SRRM4: variants seen among roughly 807,000 people sequenced by gnomAD.
The protein encoded by SRRM4 is serine/arginine repetitive matrix 4, also known as serine/arginine repetitive matrix protein 4.
A neutral mutation model predicts 68.9 loss-of-function variants in SRRM4; 33 were observed. That is an observed-to-expected ratio of 0.48 (90% CI 0.36 to 0.64). The LOEUF is 0.64. Ranked by LOEUF, SRRM4 falls within the 30% of genes least tolerant of loss-of-function variation. SRRM4 has a pLI of 0.00. For synonymous variants in SRRM4, 318 were observed against 318.8 expected, an observed-to-expected ratio of 1.00 and a Z score of 0.03; for missense variants, 817 against 827.1, an observed-to-expected ratio of 0.99 and a Z score of 0.15.
At position 119,034,838 on chromosome 12, in the gene SRRM4, AT is replaced by A. The variant is rs565493706; in HGVS notation, c.131+52832del. Reference sequence around the variant, plus strand: ...TTTAGCCATACTTTTATTCCTAATCATTTTTTTGTCATATCCCTTAAAAATT... The same window carrying A: ...TTTAGCCATACTTTTATTCCTAATCATTTTTTGTCATATCCCTTAAAAATT... On this transcript the variant is annotated intron_variant, in intron 1 of 12. Coordinates refer to ENST00000267260, the MANE Select transcript of SRRM4 (RefSeq NM_194286.4). 2.5e-3 allele frequency among the ~76,000 whole-genome samples: 381 copies of A among 152,166 alleles called. 1 individual carries two copies. Among genetic ancestry groups the A allele is most frequent in the African/African-American group, 8.7e-3 (360 of 41,512 alleles).
chr12:119,102,362 G>T lies in SRRM4; in HGVS notation c.258G>T (p.Leu86=). 6.2e-7 allele frequency: 1 copy of T among 1,612,730 alleles called. No individual in the cohort carries two copies. The highest frequency in any genetic ancestry group is 8.5e-7 in the Non-Finnish European group (1 of 1,179,360). The change falls in exon 2 of 13, where the codon CTG becomes CTT. Residue 86 remains leucine (L), a synonymous_variant. Coordinates refer to ENST00000267260, the MANE Select transcript of SRRM4 (RefSeq NM_194286.4). ...AGAGAGACAAGACCTGTCGGGAACT[G>T]GGTGCCACCAGAGGACACAGGTGAG... ...SWERDKTCRE[L]GATRGHSASH...
intron 1 of SRRM4, among the ~76,000 whole-genome samples, chr12:119,052,185 C>A (rs1467673569): frequency 2.0e-5 from 3 of 152,168 alleles, no homozygotes; most frequent in African/African-American, 4.8e-5. Context: ...AATTACATCA[C>A]CTGCTGTGTT....
At chr12:119,049,060 C>T (rs1268708384) in intron 1 of SRRM4, among the ~76,000 whole-genome samples, 1 of 152,220 alleles carries the variant, frequency 6.6e-6, no homozygotes, top group African/African-American at 2.4e-5. Flanking sequence ...ACAGGAAAGC[C>T]TTTGCCCTTA....
chr12:119,091,854 C>T (rs1172128307), intron 1 of SRRM4, among the ~76,000 whole-genome samples: 2 of 152,142 alleles, frequency 1.3e-5, no homozygotes, highest in Non-Finnish European at 2.9e-5. Flanking sequence ...GCCACTTCCA[C>T]CCCATACCCC....
chr12:119,064,206 T>C (rs1015403631), intron 1 of SRRM4, among the ~76,000 whole-genome samples: 1 of 152,228 alleles, frequency 6.6e-6, no homozygotes, highest in African/African-American at 2.4e-5. Flanking sequence ...ATTTCTAAAG[T>C]GATCTCCCTC....
At chr12:119,094,625 T>C (rs7314453) in intron 1 of SRRM4, among the ~76,000 whole-genome samples, 12,315 of 152,274 alleles carry the variant, frequency 0.081, 555 homozygotes, top group African/African-American at 0.11. Flanking sequence ...CTCCTTTTTG[T>C]TCCACTTTCC....
chr12:119,078,785 C>G (rs368697160), intron 1 of SRRM4, among the ~76,000 whole-genome samples: 1 of 152,084 alleles, frequency 6.6e-6, no homozygotes, highest in Non-Finnish European at 1.5e-5. Context: ...CAAAATTTAG[C>G]CAAGTGTAGT....
At chr12:118,999,537 T>A (rs1272709707) in intron 1 of SRRM4, among the ~76,000 whole-genome samples, 2 of 152,234 alleles carry the variant, frequency 1.3e-5, no homozygotes, top group African/African-American at 2.4e-5. Flanking sequence ...ATGAAATCAC[T>A]GTGAGATTGG....
chr12:119,062,614 A>G (rs1395549729), intron 1 of SRRM4, among the ~76,000 whole-genome samples: 1 of 152,230 alleles, frequency 6.6e-6, no homozygotes, highest in African/African-American at 2.4e-5. Context: ...AACAAGTTAA[A>G]CCTTTAAACT....
At chr12:119,140,269 C>T (rs1954356624) in intron 8 of SRRM4, among the ~76,000 whole-genome samples, 1 of 151,738 alleles carries the variant, frequency 6.6e-6, no homozygotes, top group African/African-American at 2.4e-5. Flanking sequence ...TCCCAGCTAC[C>T]TGGAAGGCTG....
intron 1 of SRRM4, among the ~76,000 whole-genome samples, chr12:119,079,107 G>C (rs1395413435): frequency 6.6e-6 from 1 of 152,146 alleles, no homozygotes; most frequent in Non-Finnish European, 1.5e-5. Flanking sequence ...GAGTGAATTA[G>C]GGATGGGAGA....
chr12:119,065,939 A>G (rs1565900739), intron 1 of SRRM4, among the ~76,000 whole-genome samples: 1 of 152,088 alleles, frequency 6.6e-6, no homozygotes, highest in Non-Finnish European at 1.5e-5. Context: ...TTTTCCACTT[A>G]ATAGAAGAAT....
At chr12:119,152,526 G>T (rs1290190057) in intron 10 of SRRM4, among the ~76,000 whole-genome samples, 1 of 152,098 alleles carries the variant, frequency 6.6e-6, no homozygotes, top group African/African-American at 2.4e-5. Context: ...GATAAGAATT[G>T]AACCAGTTGC....
chr12:119,095,369 A>G (rs1954037259), intron 1 of SRRM4, among the ~76,000 whole-genome samples: 1 of 152,182 alleles, frequency 6.6e-6, no homozygotes, highest in Non-Finnish European at 1.5e-5. Context: ...CAAGTGTGGG[A>G]AAAAGGATGG....
chr12:118,995,681 G>A (rs1235236580), intron 1 of SRRM4, among the ~76,000 whole-genome samples: 61 of 152,174 alleles, frequency 4.0e-4, no homozygotes, highest in Admixed American at 3.5e-3. Flanking sequence ...TAACTGCAAC[G>A]CTTACCCCAA....
At chr12:119,061,813 C>A (rs1953813949) in intron 1 of SRRM4, among the ~76,000 whole-genome samples, 1 of 152,126 alleles carries the variant, frequency 6.6e-6, no homozygotes, top group South Asian at 2.1e-4. Flanking sequence ...AGACTTGCAG[C>A]TTCCCTGGCC....
At chr12:119,101,776 C>T (rs928565388) in intron 1 of SRRM4, among the ~76,000 whole-genome samples, 1 of 152,094 alleles carries the variant, frequency 6.6e-6, no homozygotes, top group East Asian at 1.9e-4. Context: ...CTAATCCTAT[C>T]ATGCTTTGGC....
intron 1 of SRRM4, among the ~76,000 whole-genome samples, chr12:119,040,313 C>T (rs931305547): frequency 6.6e-6 from 1 of 152,138 alleles, no homozygotes. Flanking sequence ...GCAGTATACA[C>T]TGCACCATAT....
rs1051172857 is a variant in SRRM4, at chr12:119,159,168, A to G, written c.*2370A>G. On this transcript the variant is annotated 3_prime_UTR_variant, in exon 13 of 13. Coordinates refer to ENST00000267260, the MANE Select transcript of SRRM4 (RefSeq NM_194286.4). ...AACACCCTGGGGTTGGCCCAGAAGGAGGCACATCAGTCCCAAAATTCATCA... is the reference window on the plus strand; with the variant it reads ...AACACCCTGGGGTTGGCCCAGAAGGGGGCACATCAGTCCCAAAATTCATCA... 9 of 152,194 alleles carry G rather than the reference A, an allele frequency of 5.9e-5. No homozygotes were observed. The highest frequency in any genetic ancestry group is 2.2e-4 in the African/African-American group (9 of 41,470). 9.4% of individuals were successfully genotyped at this position (152,194 alleles called of 1,614,324 possible). A position where few individuals can be genotyped will look rare whatever the true frequency, so the allele number is the denominator to read the frequency against.
Sources: gnomAD v4.1 joint callset for allele counts (sites outside exome capture counted in the v4.1 genomes callset) on GRCh38, gnomAD v4.1.1 for gene constraint, MANE v1.5 for transcripts, NCBI Gene and HGNC (gene_info 2026-07-23, HGNC 2026-07-21) for gene names.